Variants in TRAK1 observed in about 807,000 individuals in gnomAD.
TRAK1 encodes trafficking kinesin protein 1.
Under a neutral mutation model 92.1 loss-of-function variants are expected in TRAK1, and 33 were observed. That is an observed-to-expected ratio of 0.36 (90% CI 0.27 to 0.48). TRAK1 has a LOEUF of 0.48. TRAK1 is among the 20% of genes least tolerant of loss of function. The pLI, the probability that TRAK1 is intolerant of heterozygous loss-of-function variation, is 0.99. For synonymous variants in TRAK1, 521 were observed against 517.3 expected (o/e 1.01, Z -0.10); for missense variants, 1,123 against 1,257.9 (o/e 0.89, Z 1.62).
In TRAK1 at chr3:42,219,567, T is replaced by G; in HGVS notation, c.2037T>G (p.Pro679=). The change falls in exon 15 of 16, where the codon CCT becomes CCG. Residue 679 remains proline, a synonymous_variant. Transcript: ENST00000327628. ...TCACCACCTGTCGCATCCTGCATCC[T>G]TCAGATGAGCTCACTCGGGTCACAC... The part of the protein sequence containing the change: ...FTFTTCRILH[P]SDELTRVTPS... 6.2e-7 allele frequency: 1 copy of G among 1,614,008 alleles called. No homozygotes were observed. The highest frequency in any genetic ancestry group is 8.5e-7 in the Non-Finnish European group (1 of 1,179,988).
At chr3:42,136,583 A>G (rs1697976612) in intron 2 of TRAK1, among the ~76,000 whole-genome samples, 1 of 152,140 alleles carries the variant, frequency 6.6e-6, no homozygotes, top group Admixed American at 6.5e-5. Context: ...TGATCATGCC[A>G]GTGCATTCCA....
chr3:42,044,308 A>G (rs1410657968), intron 1 of TRAK1, among the ~76,000 whole-genome samples: 1 of 152,090 alleles, frequency 6.6e-6, no homozygotes, highest in Non-Finnish European at 1.5e-5. Flanking sequence ...CCACAGGTGC[A>G]CACCACCACA....
intron 2 of TRAK1, chr3:42,160,328 A>T: frequency 1.2e-6 from 2 of 1,612,818 alleles, no homozygotes; most frequent in Non-Finnish European, 1.7e-6. Flanking sequence ...ATGGTCCCTT[A>T]GGGTGATGTT....
At chr3:42,057,991 T>A (rs1005774267) in intron 1 of TRAK1, among the ~76,000 whole-genome samples, 5 of 152,222 alleles carry the variant, frequency 3.3e-5, no homozygotes, top group Non-Finnish European at 7.3e-5. Context: ...TGAACTCAAA[T>A]ATCATTTCCT....
chr3:42,037,085 C>A (rs1702354438), intron 1 of TRAK1, among the ~76,000 whole-genome samples: 1 of 152,138 alleles, frequency 6.6e-6, no homozygotes, highest in East Asian at 1.9e-4. Context: ...ACCTTGGCCT[C>A]CCAAAGCATC....
At chr3:42,020,638 TATATGC>T (rs1701689479) in intron 1 of TRAK1, among the ~76,000 whole-genome samples, 3 of 152,228 alleles carry the variant, frequency 2.0e-5, no homozygotes, top group Non-Finnish European at 4.4e-5. Flanking sequence ...TTCTATCGGG[TATATGC>T]TCAGGAGTGG....
upstream of TRAK1, among the ~76,000 whole-genome samples, chr3:42,089,865 G>A (rs919870047): frequency 1.3e-5 from 2 of 152,180 alleles, no homozygotes; most frequent in African/African-American, 4.8e-5. Flanking sequence ...AGTGACTAAC[G>A]TAGTGCCTGC....
At chr3:42,122,978 C>T (rs976072771) in intron 1 of TRAK1, among the ~76,000 whole-genome samples, 5 of 152,182 alleles carry the variant, frequency 3.3e-5, no homozygotes, top group Non-Finnish European at 7.3e-5. Context: ...TGAATGTCCT[C>T]ACTTTCTCAT....
intron 2 of TRAK1, among the ~76,000 whole-genome samples, chr3:42,131,541 A>C (rs984415203): frequency 6.6e-6 from 1 of 151,384 alleles, no homozygotes; most frequent in Admixed American, 6.6e-5. Context: ...ACATGGCGAA[A>C]CTCCATCTCT....
intron 3 of TRAK1, among the ~76,000 whole-genome samples, chr3:42,184,291 A>G (rs760224498): frequency 2.0e-5 from 3 of 152,252 alleles, no homozygotes; most frequent in Non-Finnish European, 4.4e-5. Context: ...CACTTAACAA[A>G]TAGCTACTGT....
At chr3:42,155,324 C>T (rs897323427) in intron 2 of TRAK1, among the ~76,000 whole-genome samples, 4 of 152,090 alleles carry the variant, frequency 2.6e-5, no homozygotes, top group South Asian at 2.1e-4. Flanking sequence ...GTACAGGAGA[C>T]GGAGACACCC....
chr3:42,098,721 T>C (rs1454963221), intron 1 of TRAK1, among the ~76,000 whole-genome samples: 1 of 152,032 alleles, frequency 6.6e-6, no homozygotes, highest in African/African-American at 2.4e-5. Context: ...CCTTCTATCA[T>C]GGTGTTGGAA....
At chr3:42,146,889 C>T (rs78187486) in intron 2 of TRAK1, among the ~76,000 whole-genome samples, 6,000 of 152,276 alleles carry the variant, frequency 0.039, 418 homozygotes, top group African/African-American at 0.14. Flanking sequence ...TTTGCAAATT[C>T]TTGTTGGACC....
intron 10 of TRAK1, among the ~76,000 whole-genome samples, chr3:42,198,243 A>C (rs1389137363): frequency 6.6e-6 from 1 of 152,128 alleles, no homozygotes; most frequent in Non-Finnish European, 1.5e-5. Context: ...AGGAGAGGGG[A>C]CATCCATCTG....
chr3:42,173,248 G>A (rs1268024367), intron 2 of TRAK1, among the ~76,000 whole-genome samples: 1 of 152,072 alleles, frequency 6.6e-6, no homozygotes, highest in Non-Finnish European at 1.5e-5. Flanking sequence ...GATTTATTTG[G>A]TAGCACTCCT....
At chr3:42,188,449 G>A (rs1261976056) in intron 5 of TRAK1, among the ~76,000 whole-genome samples, 2 of 152,190 alleles carry the variant, frequency 1.3e-5, no homozygotes, top group Non-Finnish European at 2.9e-5. Context: ...AGAGTATTCA[G>A]GGTTCTGGAG....
chr3:42,062,420 A>G (rs567587090), intron 1 of TRAK1, among the ~76,000 whole-genome samples: 2 of 152,328 alleles, frequency 1.3e-5, no homozygotes, highest in South Asian at 2.1e-4. Context: ...TTCCAGTTAT[A>G]CTTTTAGCAT....
chr3:42,206,688 A>C (rs1355057945), intron 13 of TRAK1, among the ~76,000 whole-genome samples: 1 of 152,244 alleles, frequency 6.6e-6, no homozygotes, highest in Non-Finnish European at 1.5e-5. Context: ...GGGTGTTCTT[A>C]CATCCCAAGG....
chr3:42,025,851 C>T (rs539575680), intron 1 of TRAK1, among the ~76,000 whole-genome samples: 8 of 152,266 alleles, frequency 5.3e-5, no homozygotes, highest in Non-Finnish European at 1.2e-4. Flanking sequence ...GGCGGTGTTC[C>T]AGCCTTGTTC....
Sources: allele counts gnomAD v4.1 joint callset (sites outside exome capture counted in the v4.1 genomes callset), GRCh38; gene constraint gnomAD v4.1.1; transcripts MANE v1.5; gene names NCBI Gene and HGNC (gene_info 2026-07-23, HGNC 2026-07-21).